SPPL2A: variants seen among roughly 807,000 people sequenced by gnomAD.
The protein encoded by SPPL2A is signal peptide peptidase like 2A.
A neutral mutation model predicts 63.8 loss-of-function variants in SPPL2A; 51 were observed. The ratio of observed to expected loss-of-function variants is 0.80; its 90% confidence interval spans 0.64 to 1.01. The LOEUF (loss-of-function observed/expected upper bound fraction) is 1.01, where lower values mean the gene tolerates loss of function less well. Ranked by LOEUF, SPPL2A falls within the 50% of genes least tolerant of loss-of-function variation. SPPL2A has a pLI of 0.00. For synonymous variants in SPPL2A, 188 were observed against 205.8 expected, an observed-to-expected ratio of 0.91 and a Z score of 0.74; for missense variants, 553 against 622.7, an observed-to-expected ratio of 0.89 and a Z score of 1.19.
chr15:50,765,115 C>G (rs573957193), intron 1 of SPPL2A, among the ~76,000 whole-genome samples: 1 of 152,194 alleles, frequency 6.6e-6, no homozygotes, highest in African/African-American at 2.4e-5. Context: ...GACAATAAAA[C>G]CCAGAGGTCA....
chr15:50,758,062 G>C (rs1245525770), intron 1 of SPPL2A, among the ~76,000 whole-genome samples: 3 of 149,534 alleles, frequency 2.0e-5, no homozygotes, highest in Admixed American at 6.7e-5. Flanking sequence ...GCTGAGGTGG[G>C]TGGATCACGA....
intron 14 of SPPL2A, among the ~76,000 whole-genome samples, chr15:50,711,850 T>C (rs2062561685): frequency 1.3e-5 from 2 of 152,222 alleles, no homozygotes. Context: ...GTTTTGTCTT[T>C]GATTATTTCA....
rs764616424 is a variant in SPPL2A, at chr15:50,722,205, AAAAAC to A, written c.1250-9_1250-5del. 1.2e-4 allele frequency: 183 copies of A among 1,552,810 alleles called. No individual in the cohort carries two copies. Among genetic ancestry groups the A allele is most frequent in the Non-Finnish European group, 1.3e-4 (146 of 1,129,760 alleles). On this transcript the variant is annotated splice_polypyrimidine_tract_variant and splice_region_variant and intron_variant, in intron 12 of 14. Transcript: ENST00000261854. ...CTACAGTATGCAATCAACAGGCCTT[AAAAAC>A]AAAACAAAACATTATTTTCTTAAAA...
chr15:50,740,143 C>T (rs1035366915), intron 5 of SPPL2A, among the ~76,000 whole-genome samples: 2 of 151,832 alleles, frequency 1.3e-5, no homozygotes, highest in Non-Finnish European at 1.5e-5. Flanking sequence ...AAAGAGATGA[C>T]GTTGGCCGAG....
At chr15:50,732,409 T>C (rs1437157103) in intron 9 of SPPL2A, among the ~76,000 whole-genome samples, 194 bp downstream of exon 9, 2 of 152,074 alleles carry the variant, frequency 1.3e-5, no homozygotes, top group African/African-American at 2.4e-5. Flanking sequence ...GCAAAGGCCA[T>C]GGTAGAGCTT....
intron 10 of SPPL2A, among the ~76,000 whole-genome samples, chr15:50,727,624 A>T (rs2141031390): frequency 6.6e-6 from 1 of 152,350 alleles, no homozygotes; most frequent in East Asian, 1.9e-4. Context: ...ACGGAAAAAA[A>T]TGAACAAGAC....
chr15:50,734,382 ACAT>A (rs2062753970), intron 8 of SPPL2A, among the ~76,000 whole-genome samples: 1 of 152,214 alleles, frequency 6.6e-6, no homozygotes, highest in Admixed American at 6.5e-5. Context: ...GGAACTGAAG[ACAT>A]CATGTTAAGT....
intron 1 of SPPL2A, among the ~76,000 whole-genome samples, chr15:50,759,433 C>T (rs1338702187): frequency 6.6e-6 from 1 of 151,912 alleles, no homozygotes; most frequent in African/African-American, 2.4e-5. Context: ...CATATATAAC[C>T]TATTTATATT....
intron 10 of SPPL2A, among the ~76,000 whole-genome samples, chr15:50,728,086 T>C (rs1353116886): frequency 2.6e-5 from 4 of 152,222 alleles, no homozygotes; most frequent in Non-Finnish European, 5.9e-5. Flanking sequence ...CTGGGGCAGA[T>C]ATGTTTATTC....
chr15:50,721,544 T>C (rs891025587), intron 13 of SPPL2A, among the ~76,000 whole-genome samples: 1 of 151,360 alleles, frequency 6.6e-6, no homozygotes, highest in African/African-American at 2.4e-5. Context: ...GTTTCTCCCA[T>C]CTCAGCCTCC....
intron 1 of SPPL2A, among the ~76,000 whole-genome samples, chr15:50,756,087 G>A (rs373241925): frequency 1.3e-5 from 2 of 151,884 alleles, no homozygotes; most frequent in South Asian, 2.1e-4. Flanking sequence ...TGGACTGGGC[G>A]TGGTGGCTCA....
intron 1 of SPPL2A, among the ~76,000 whole-genome samples, chr15:50,758,687 T>C (rs2062982413): frequency 6.6e-6 from 1 of 152,044 alleles, no homozygotes. Flanking sequence ...GCAAGTAATA[T>C]AAATGCTTAA....
intron 10 of SPPL2A, among the ~76,000 whole-genome samples, chr15:50,727,347 C>T (rs979279012): frequency 8.5e-5 from 13 of 152,268 alleles, no homozygotes; most frequent in African/African-American, 2.9e-4. Context: ...AAACCCGTAG[C>T]TGCAGAAATC....
At chr15:50,752,604 G>A (rs1025531586) in intron 1 of SPPL2A, among the ~76,000 whole-genome samples, 42 of 151,912 alleles carry the variant, frequency 2.8e-4, no homozygotes, top group African/African-American at 9.4e-4. Flanking sequence ...TGTAATCCTA[G>A]CTACTCAGGA....
chr15:50,711,431 G>A (rs1288413954), intron 14 of SPPL2A, among the ~76,000 whole-genome samples: 1 of 151,860 alleles, frequency 6.6e-6, no homozygotes, highest in Non-Finnish European at 1.5e-5. Flanking sequence ...GGCTGGTCTC[G>A]AACTCCTGAC....
rs1365478383 is a variant in SPPL2A at position 50,703,594 on chromosome 15, C to T, written c.*4206G>A. 1 of 151,380 alleles carries T rather than the reference C, an allele frequency of 6.6e-6. No homozygotes were observed. The highest frequency in any genetic ancestry group is 6.6e-5 in the Admixed American group (1 of 15,158). The allele number at this position is 151,380 out of a possible 1,614,324, so 9.4% of individuals were successfully genotyped here. On this transcript the variant is annotated 3_prime_UTR_variant, in exon 15 of 15. Coordinates refer to ENST00000261854, the MANE Select transcript of SPPL2A (RefSeq NM_032802.4). The stretch of plus-strand genomic sequence containing the variant: ...GTCAGGCTGGTCTCAAACTCCTGAC[C>T]TCATGATCCACCCGCCTTGGCCTCC...
rs1410159531 is a variant in SPPL2A at position 50,739,746 on chromosome 15, C to T, written c.667G>A (p.Val223Ile). Residue 223 changes from valine (V) to isoleucine (I), a missense_variant, in exon 6 of 15, where the codon GTT becomes ATT. Transcript: ENST00000261854. The part of the protein sequence containing the change: ...EEYLTFSPLT[V>I]VIFVVICCVM... ...CAGCAGATGACCACAAATATTACAA[C>T]TGTAAGAGGACTAAAAGTTAAATAT... is the stretch of plus-strand genomic sequence containing the variant. 2 of 1,600,786 alleles carry T rather than the reference C, an allele frequency of 1.2e-6. No homozygotes were observed. The highest frequency in any genetic ancestry group is 3.5e-5 in the Admixed American group (2 of 57,520).
intron 1 of SPPL2A, among the ~76,000 whole-genome samples, chr15:50,752,342 G>A (rs1487505842): frequency 1.3e-5 from 2 of 151,822 alleles, no homozygotes; most frequent in South Asian, 4.2e-4. Context: ...AGCACTTTGG[G>A]AGGCTGAGGC....
rs971558655 is a variant in SPPL2A at position 50,765,520 on chromosome 15, C to G, written c.14G>C (p.Arg5Pro). MGPQ[R>P]RLSPAGAALL... ...GGCGGCCCCGGCAGGGGACAGCCGCCGCTGCGGCCCCATCGGACTGGTGGG... is the reference window on the plus strand; with the variant it reads ...GGCGGCCCCGGCAGGGGACAGCCGCGGCTGCGGCCCCATCGGACTGGTGGG... Residue 5 changes from arginine to proline, a missense_variant, in exon 1 of 15, where the codon CGG becomes CCG. By Grantham distance (103) the Arg-to-Pro change is moderately radical. Coordinates refer to ENST00000261854, the MANE Select transcript of SPPL2A (RefSeq NM_032802.4). 1.1e-5 allele frequency: 16 copies of G among 1,498,562 alleles called. No homozygotes were observed. The highest frequency in any genetic ancestry group is 1.3e-5 in the Non-Finnish European group (15 of 1,131,648). 92.8% of individuals were successfully genotyped at this position (1,498,562 alleles called of 1,614,324 possible).
Sources: gnomAD v4.1 joint callset for allele counts (sites outside exome capture counted in the v4.1 genomes callset) on GRCh38, gnomAD v4.1.1 for gene constraint, MANE v1.5 for transcripts, NCBI Gene and HGNC (gene_info 2026-07-23, HGNC 2026-07-21) for gene names.